C12orf42: variants seen among roughly 807,000 people sequenced by gnomAD.
C12orf42 encodes uncharacterized protein C12orf42.
Under a neutral mutation model 21.6 loss-of-function variants are expected in C12orf42, and 25 were observed. The observed-to-expected ratio is 1.16, with a 90% CI of 0.84 to 1.62. The LOEUF (loss-of-function observed/expected upper bound fraction) is 1.62, where lower values mean the gene tolerates loss of function less well. Among genes scored for constraint, C12orf42 ranks in the 40% most tolerant of loss-of-function variants. The pLI is 0.00. For missense variants in C12orf42, 483 were observed against 459.3 expected (o/e 1.05, Z -0.47); for synonymous variants, 174 against 175.0 (o/e 0.99, Z 0.05).
chr12:103,520,524 T>TAACAACAACAACAACAACAACAAC, the C12orf42 span, among the ~76,000 whole-genome samples: 1 of 149,954 alleles, frequency 6.7e-6, no homozygotes, highest in Admixed American at 6.6e-5. Context: ...CCTCTGCCCC[T>TAACAACAACAACAACAACAACAAC]AACAACAACA....
the C12orf42 span, among the ~76,000 whole-genome samples, chr12:103,539,284 C>T: frequency 6.6e-6 from 1 of 152,006 alleles, no homozygotes; most frequent in East Asian, 1.9e-4. Flanking sequence ...TATATCTGTG[C>T]ATGTGTGTAT....
intron 4 of C12orf42, among the ~76,000 whole-genome samples, chr12:103,356,145 C>G (rs889073198): frequency 1.3e-5 from 2 of 152,074 alleles, no homozygotes; most frequent in Non-Finnish European, 2.9e-5. Context: ...CCTTCCCTAC[C>G]TTTCTAGGTC....
the C12orf42 span, among the ~76,000 whole-genome samples, chr12:103,154,699 T>C: frequency 3.3e-5 from 5 of 152,124 alleles, no homozygotes; most frequent in Non-Finnish European, 5.9e-5. Context: ...CGATTTTCTA[T>C]ACTAGGGAAA....
the C12orf42 span, among the ~76,000 whole-genome samples, chr12:103,104,760 A>T: frequency 6.6e-6 from 1 of 152,214 alleles, no homozygotes; most frequent in Non-Finnish European, 1.5e-5. Context: ...TCAGGAACAG[A>T]AAACAAAGAA....
chr12:103,247,366 T>C (rs1172073025), intron 10 of C12orf42, among the ~76,000 whole-genome samples: 1 of 151,500 alleles, frequency 6.6e-6, no homozygotes, highest in Admixed American at 6.6e-5. Context: ...TAAAACAGCA[T>C]GAAGCCTGGT....
intron 2 of C12orf42, among the ~76,000 whole-genome samples, chr12:103,401,876 T>C (rs939049039): frequency 6.6e-6 from 1 of 152,134 alleles, no homozygotes; most frequent in African/African-American, 2.4e-5. Context: ...ACACCTCCCA[T>C]CCTCAAGAGT....
At chr12:103,168,275 G>T in the C12orf42 span, 1 of 267,412 alleles carries the variant, frequency 3.7e-6, no homozygotes, top group Non-Finnish European at 7.5e-6. Flanking sequence ...GTGAACTATG[G>T]GAAATATAAA....
intron 2 of C12orf42, among the ~76,000 whole-genome samples, chr12:103,413,476 CTAT>C (rs4015528): frequency 2.7e-5 from 4 of 150,110 alleles, no homozygotes; most frequent in African/African-American, 7.3e-5. Context: ...GGTATTTACT[CTAT>C]TATTATTATT....
intron 3 of C12orf42, among the ~76,000 whole-genome samples, chr12:103,371,922 C>A (rs2045280200): frequency 6.6e-6 from 1 of 152,140 alleles, no homozygotes; most frequent in Non-Finnish European, 1.5e-5. Context: ...ATCAAAGTTA[C>A]AGAAGTAGTA....
the C12orf42 span, among the ~76,000 whole-genome samples, chr12:103,188,343 G>A: frequency 3.9e-5 from 6 of 151,904 alleles, no homozygotes; most frequent in African/African-American, 1.2e-4. Flanking sequence ...GGTTACATGA[G>A]TGAGTTCTTC....
intron 2 of C12orf42, among the ~76,000 whole-genome samples, chr12:103,460,105 A>G (rs527927602): frequency 6.6e-6 from 1 of 152,186 alleles, no homozygotes; most frequent in Non-Finnish European, 1.5e-5. Context: ...GTTCTGATGG[A>G]TAAATACCAA....
chr12:103,317,657 A>G (rs11111522), intron 4 of C12orf42, among the ~76,000 whole-genome samples: 12,120 of 152,216 alleles, frequency 0.08, 498 homozygotes, highest in East Asian at 0.18. Context: ...TGATCTCCAA[A>G]GTCTTCTCCA....
chr12:103,400,082 T>TTCCTCCAAAGCCACAA (rs1355212890), intron 3 of C12orf42, among the ~76,000 whole-genome samples: 1 of 152,104 alleles, frequency 6.6e-6, no homozygotes, highest in Non-Finnish European at 1.5e-5. Context: ...ATTTCTATAA[T>TTCCTCCAAAGCCACAA]TCCTCCAAAG....
At chr12:103,106,131 C>T in the C12orf42 span, among the ~76,000 whole-genome samples, 3 of 151,992 alleles carry the variant, frequency 2.0e-5, no homozygotes, top group Non-Finnish European at 1.5e-5. Context: ...TATATTCCCT[C>T]CTGTGGAATA....
At chr12:103,095,682 G>A in the C12orf42 span, among the ~76,000 whole-genome samples, 13 of 152,154 alleles carry the variant, frequency 8.5e-5, no homozygotes, top group African/African-American at 2.9e-4. Flanking sequence ...AATTTCCACG[G>A]AGGCAGAGGG....
chr12:103,465,597 C>T (rs1462881749), intron 2 of C12orf42, among the ~76,000 whole-genome samples: 2 of 152,164 alleles, frequency 1.3e-5, no homozygotes, highest in Non-Finnish European at 2.9e-5. Context: ...TTCTTTCTTT[C>T]TCTTGCCTGA....
chr12:103,189,591 T>C, the C12orf42 span, among the ~76,000 whole-genome samples: 1 of 152,176 alleles, frequency 6.6e-6, no homozygotes, highest in African/African-American at 2.4e-5. Context: ...AGTGTAGGCC[T>C]GGGGTAGGCC....
At chr12:103,195,571 T>G in the C12orf42 span, among the ~76,000 whole-genome samples, 2 of 152,218 alleles carry the variant, frequency 1.3e-5, no homozygotes, top group Non-Finnish European at 2.9e-5. Context: ...TTCATATGCT[T>G]GTTGGCTAGA....
the C12orf42 span, among the ~76,000 whole-genome samples, chr12:103,067,833 G>T: frequency 6.6e-6 from 1 of 152,148 alleles, no homozygotes; most frequent in Non-Finnish European, 1.5e-5. Flanking sequence ...ATTGTTGGTT[G>T]TGGTGATTGA....
Sources: allele counts gnomAD v4.1 joint callset (sites outside exome capture counted in the v4.1 genomes callset), GRCh38; gene constraint gnomAD v4.1.1; transcripts MANE v1.5; gene names NCBI Gene and HGNC (gene_info 2026-07-23, HGNC 2026-07-21).